FAT1: variants seen among roughly 807,000 people sequenced by gnomAD.
The protein encoded by FAT1 is FAT atypical cadherin 1.
In FAT1, 171 loss-of-function variants were observed where a neutral mutation model predicts 329.8. The observed-to-expected ratio is 0.52, with a 90% CI of 0.46 to 0.59. The LOEUF (loss-of-function observed/expected upper bound fraction) is 0.59. Among genes scored for constraint, FAT1 ranks in the 20% least tolerant of loss-of-function variants. The pLI is 0.00. For synonymous variants in FAT1, 2,233 were observed against 2,228.6 expected, an observed-to-expected ratio of 1.00 and a Z score of -0.06; for missense variants, 5,672 against 5,774.4, an observed-to-expected ratio of 0.98 and a Z score of 0.57.
chr4:186,687,129 G>GT (rs896642623), intron 2 of FAT1, among the ~76,000 whole-genome samples: 18 of 152,120 alleles, frequency 1.2e-4, no homozygotes, highest in Non-Finnish European at 2.2e-4. Context: ...TCGAGAAAAG[G>GT]TAAGTTAAAT....
chr4:186,592,544 C>T (rs1356220669), intron 26 of FAT1: 9 of 359,950 alleles, frequency 2.5e-5, no homozygotes, highest in Non-Finnish European at 4.9e-5. Context: ...ACTCATATTA[C>T]GTATATACAC....
At position 186,611,374 on chromosome 4, in the gene FAT1, A is replaced by G. The variant is rs1739433363; in HGVS notation, c.9853+12T>C. 1 of 1,593,772 alleles carries G rather than the reference A, an allele frequency of 6.3e-7. No individual in the cohort carries two copies. The highest frequency in any genetic ancestry group is 1.3e-5 in the African/African-American group (1 of 74,502). On this transcript the variant is annotated intron_variant, in intron 14 of 26. Coordinates refer to ENST00000441802, the MANE Select transcript of FAT1 (RefSeq NM_005245.4). ...GAATGAAGGGTTTCCTCTCAGATAC[A>G]TGGTAGGTTACCTGTTTTAGAATCT...
At position 186,611,790 on chromosome 4, in the gene FAT1, A is replaced by C; in HGVS notation, c.9464-15T>G. ...CCGATTTAATCCTATGAAGACATAA[A>C]AACATGTCAAAAGATTTTAAATAAA... On this transcript the variant is annotated splice_polypyrimidine_tract_variant and intron_variant, in intron 13 of 26. Coordinates refer to ENST00000441802, the MANE Select transcript of FAT1 (RefSeq NM_005245.4). The C allele has an allele frequency of 6.6e-7, 1 of 1,519,458 alleles. No individual in the cohort carries two copies. The highest frequency in any genetic ancestry group is 1.7e-4 in the Middle Eastern group (1 of 5,794). The allele number at this position is 1,519,458 out of a possible 1,614,324, so 94.1% of individuals were successfully genotyped here. A position where few individuals can be genotyped will look rare whatever the true frequency, so the allele number is the denominator to read the frequency against.
At chr4:186,690,872 G>A (rs1425344061) in intron 2 of FAT1, among the ~76,000 whole-genome samples, 1 of 152,066 alleles carries the variant, frequency 6.6e-6, no homozygotes, top group Non-Finnish European at 1.5e-5. Flanking sequence ...AATGTTAAAG[G>A]TCTCATTAAT....
chr4:186,689,430 C>T (rs1743640103), intron 2 of FAT1, among the ~76,000 whole-genome samples: 1 of 152,164 alleles, frequency 6.6e-6, no homozygotes, highest in East Asian at 1.9e-4. Flanking sequence ...AATGACCCAT[C>T]ATGGACAATT....
intron 2 of FAT1, among the ~76,000 whole-genome samples, chr4:186,678,434 T>C (rs772286205): frequency 6.7e-6 from 1 of 149,734 alleles, no homozygotes; most frequent in Non-Finnish European, 1.5e-5. Context: ...TAATTTATTA[T>C]AATATAATAA....
chr4:186,588,217 A>C lies in FAT1; in HGVS notation c.*375T>G, dbSNP rs1738049407. On this transcript the variant is annotated 3_prime_UTR_variant, in exon 27 of 27. Transcript: ENST00000441802. ...AATGCACAAAATATCTTGGAAATCT[A>C]GTTAAAACTATGAAAAATCAAATCT... is the stretch of plus-strand genomic sequence containing the variant. The C allele has an allele frequency of 1.6e-5, 4 of 244,976 alleles. No individual in the cohort carries two copies. The Admixed American group carries it at 2.0e-4, about 12-fold the overall frequency. 15.2% of individuals were successfully genotyped at this position (244,976 alleles called of 1,614,324 possible). A position where few individuals can be genotyped will look rare whatever the true frequency, so the allele number is the denominator to read the frequency against.
chr4:186,724,977 G>A (rs1387739392), upstream of FAT1, among the ~76,000 whole-genome samples: 1 of 152,138 alleles, frequency 6.6e-6, no homozygotes, highest in Non-Finnish European at 1.5e-5. This position sits in a 1 kb window ranked among gnomAD's most constrained non-coding sequence, Gnocchi z 5.3. Context: ...CATCTTAGAG[G>A]TGACCGGAAA....
At chr4:186,702,219 G>C (rs1357820074) in intron 2 of FAT1, among the ~76,000 whole-genome samples, 1 of 152,206 alleles carries the variant, frequency 6.6e-6, no homozygotes, top group African/African-American at 2.4e-5. Context: ...TGTATTTCAT[G>C]AATGCTGACT....
intron 3 of FAT1, among the ~76,000 whole-genome samples, chr4:186,640,871 T>C (rs1267391306): frequency 6.6e-6 from 1 of 152,214 alleles, no homozygotes; most frequent in Middle Eastern, 3.2e-3. Context: ...AACAGGTGCA[T>C]GCAGGATGAT....
At chr4:186,601,600 C>G in intron 20 of FAT1, 174 bp from the exon 21 acceptor site, 1 of 467,042 alleles carries the variant, frequency 2.1e-6, no homozygotes, top group East Asian at 2.9e-5. Flanking sequence ...CCCAGCATGA[C>G]TGGCTCTCTG....
intron 4 of FAT1, among the ~76,000 whole-genome samples, chr4:186,637,187 C>G (rs71607916): frequency 6.6e-6 from 1 of 152,130 alleles, no homozygotes; most frequent in Non-Finnish European, 1.5e-5. Flanking sequence ...AGGCTCTCTT[C>G]TCGCATTAGT....
chr4:186,677,076 T>G (rs1318481274), intron 2 of FAT1, among the ~76,000 whole-genome samples: 4 of 152,316 alleles, frequency 2.6e-5, no homozygotes, highest in Non-Finnish European at 5.9e-5. Context: ...TTTTATCAAA[T>G]TTTTAGAAAC....
chr4:186,607,248 G>T (rs906234682), intron 16 of FAT1, among the ~76,000 whole-genome samples: 1 of 151,938 alleles, frequency 6.6e-6, no homozygotes, highest in African/African-American at 2.4e-5. Context: ...CAAATCGAAG[G>T]CTTCTTTTGG....
chr4:186,615,322 A>G (rs186909925), intron 11 of FAT1, among the ~76,000 whole-genome samples: 58 of 152,262 alleles, frequency 3.8e-4, no homozygotes, highest in African/African-American at 1.4e-3. Context: ...ATGACTGAAT[A>G]TAAGGGTTCT....
chr4:186,625,135 C>G (rs941614537), intron 9 of FAT1, among the ~76,000 whole-genome samples: 4 of 152,154 alleles, frequency 2.6e-5, no homozygotes, highest in Admixed American at 2.6e-4. Flanking sequence ...TTTTAACCAC[C>G]CAGTTGTTGA....
chr4:186,652,760 T>C (rs1741725537), intron 3 of FAT1, among the ~76,000 whole-genome samples: 1 of 152,146 alleles, frequency 6.6e-6, no homozygotes, highest in African/African-American at 2.4e-5. Context: ...CCTATTGCAG[T>C]TTGTTCAGTA....
At chr4:186,598,361 A>G (rs905176609) in intron 22 of FAT1, among the ~76,000 whole-genome samples, 1 of 152,184 alleles carries the variant, frequency 6.6e-6, no homozygotes, top group Non-Finnish European at 1.5e-5. Flanking sequence ...CTGCATTAAG[A>G]TCACTAGGTC....
intron 13 of FAT1, 28 bp from the exon 14 acceptor site, chr4:186,611,803 G>A (rs1029990864): frequency 2.0e-6 from 3 of 1,479,970 alleles, no homozygotes; most frequent in Non-Finnish European, 2.7e-6. Context: ...CATGTCAAAA[G>A]ATTTTAAATA....
Sources: gnomAD v4.1 joint callset for allele counts (sites outside exome capture counted in the v4.1 genomes callset) on GRCh38, gnomAD v4.1.1 for gene constraint, Gnocchi (gnomAD v3.1) non-coding constraint, MANE v1.5 for transcripts, NCBI Gene and HGNC (gene_info 2026-07-23, HGNC 2026-07-21) for gene names.